The following CACNA2D3 variants were observed in gnomAD, a reference collection of about 807,000 sequenced individuals.
CACNA2D3 encodes voltage-dependent calcium channel subunit alpha-2/delta-3.
In CACNA2D3, 60 loss-of-function variants were observed where a neutral mutation model predicts 160.6. The ratio of observed to expected loss-of-function variants is 0.37; its 90% CI spans 0.30 to 0.46. The LOEUF (loss-of-function observed/expected upper bound fraction) is 0.46. CACNA2D3 is among the 20% of genes least tolerant of loss of function. The pLI is 1.00. For missense variants in CACNA2D3, 1,205 were observed against 1,365.0 expected (o/e 0.88, Z 1.85); for synonymous variants, 558 against 492.9 (o/e 1.13, Z -1.75).
intron 2 of CACNA2D3, among the ~76,000 whole-genome samples, chr3:54,198,227 C>T (rs1200798523): frequency 3.3e-5 from 5 of 152,212 alleles, no homozygotes; most frequent in Non-Finnish European, 5.9e-5. Context: ...CTAATAGGCT[C>T]CTTGTGGCTC....
chr3:54,276,961 G>A (rs1019148160), intron 2 of CACNA2D3, among the ~76,000 whole-genome samples: 3 of 152,198 alleles, frequency 2.0e-5, no homozygotes, highest in African/African-American at 4.8e-5. Context: ...ATGGCCCACC[G>A]CAGGCATGCC....
chr3:54,582,368 A>G (rs1306844207), intron 9 of CACNA2D3, among the ~76,000 whole-genome samples: 1 of 152,192 alleles, frequency 6.6e-6, no homozygotes, highest in Non-Finnish European at 1.5e-5. Context: ...TTCCATTAAT[A>G]TTGTGGAACA....
At chr3:54,567,517 G>A (rs768623184) in intron 6 of CACNA2D3, among the ~76,000 whole-genome samples, 1 of 111,302 alleles carries the variant, frequency 9.0e-6, no homozygotes, top group East Asian at 2.2e-4. Flanking sequence ...TTTTTTGTTT[G>A]TTGTTTGTTG....
intron 2 of CACNA2D3, among the ~76,000 whole-genome samples, chr3:54,296,083 A>T (rs1703336411): frequency 2.0e-5 from 3 of 152,072 alleles, no homozygotes; most frequent in African/African-American, 7.2e-5. Flanking sequence ...TTGGAAGGGG[A>T]TGAACTTTAG....
chr3:54,166,936 G>A (rs1386159365), intron 2 of CACNA2D3, among the ~76,000 whole-genome samples: 4 of 152,032 alleles, frequency 2.6e-5, no homozygotes, highest in Admixed American at 6.5e-5. Flanking sequence ...AATATTTTGC[G>A]GGAAGATTTT....
intron 34 of CACNA2D3, among the ~76,000 whole-genome samples, chr3:55,014,486 T>C (rs1703283767): frequency 6.6e-6 from 1 of 152,154 alleles, no homozygotes; most frequent in South Asian, 2.1e-4. Context: ...TCCCAGCACT[T>C]TGGGAAGCCA....
At chr3:54,618,619 T>C (rs1268314617) in intron 9 of CACNA2D3, among the ~76,000 whole-genome samples, 2 of 152,068 alleles carry the variant, frequency 1.3e-5, no homozygotes, top group African/African-American at 4.8e-5. Flanking sequence ...GTCCCTGGGG[T>C]CACATTTCTT....
chr3:54,861,745 G>T (rs1026679933), intron 17 of CACNA2D3, among the ~76,000 whole-genome samples: 2 of 152,222 alleles, frequency 1.3e-5, no homozygotes, highest in Non-Finnish European at 2.9e-5. Flanking sequence ...AGAAGCAATG[G>T]ACATGGTAGG....
chr3:54,346,324 A>G (rs550033993), intron 3 of CACNA2D3, among the ~76,000 whole-genome samples: 2 of 152,304 alleles, frequency 1.3e-5, no homozygotes, highest in African/African-American at 2.4e-5. Flanking sequence ...TGAAGAGATC[A>G]TTTTGGGCTG....
chr3:55,006,901 A>T (rs1703106404), intron 32 of CACNA2D3, among the ~76,000 whole-genome samples: 1 of 152,256 alleles, frequency 6.6e-6, no homozygotes. Context: ...TTTGGCATGC[A>T]TTTCAATTCT....
chr3:54,299,071 C>G lies in CACNA2D3; in HGVS notation c.205-21371C>G, dbSNP rs180819390. On this transcript the variant is annotated intron_variant, in intron 2 of 37. Transcript: ENST00000474759. Reference sequence around the variant, plus strand: ...TTGCAAGAAGAAATGTGGGCCAGTTCGTAGCCTCTGCAGTCTGTAAGTTTT... The same window carrying G: ...TTGCAAGAAGAAATGTGGGCCAGTTGGTAGCCTCTGCAGTCTGTAAGTTTT... 4.2e-4 allele frequency among the ~76,000 whole-genome samples: 63 copies of G among 151,532 alleles called. 1 individual carries two copies. The East Asian group carries it at 7.0e-3, about 17-fold the overall frequency.
intron 2 of CACNA2D3, among the ~76,000 whole-genome samples, chr3:54,262,339 C>G (rs4589969): frequency 0.6 from 90,870 of 151,852 alleles, 27,978 homozygotes; most frequent in Non-Finnish European, 0.68. Context: ...CATTGAGGCA[C>G]AGAGAGTTCC....
In CACNA2D3 at chr3:54,794,089, G is replaced by A. The variant is rs995457545; in HGVS notation, c.1381-22764G>A. Among the ~76,000 whole-genome samples the A allele has an allele frequency of 3.3e-5, 5 of 152,084 alleles. No individual in the cohort carries two copies. In the East Asian group the frequency reaches 5.8e-4, roughly 18 times the overall value. On this transcript the variant is annotated intron_variant, in intron 13 of 37. Transcript: ENST00000474759. ...TAACTCCTCTTTCCTTGATATATAA[G>A]AGCAAATTTTATATATAATGATCAC...
At chr3:54,370,503 A>G (rs1231429818) in intron 3 of CACNA2D3, among the ~76,000 whole-genome samples, 1 of 152,218 alleles carries the variant, frequency 6.6e-6, no homozygotes, top group Non-Finnish European at 1.5e-5. Context: ...CAGTCTCTCC[A>G]CAGATTTGCC....
chr3:54,499,409 C>T lies in CACNA2D3; in HGVS notation c.382-4083C>T, dbSNP rs182086839. Among the ~76,000 whole-genome samples, 654 of 152,170 alleles carry T rather than the reference C, an allele frequency of 4.3e-3. 4 individuals carry two copies. The highest frequency in any genetic ancestry group is 0.012 in the Admixed American group (185 of 15,288). On this transcript the variant is annotated intron_variant, in intron 4 of 37. Coordinates refer to ENST00000474759, the MANE Select transcript of CACNA2D3 (RefSeq NM_018398.3). ...TTTCTGTTTTTAATTTCATTGATTTCTGCTTTGCAGAATAAAAAATATACA... is the reference window on the plus strand; with the variant it reads ...TTTCTGTTTTTAATTTCATTGATTTTTGCTTTGCAGAATAAAAAATATACA...
intron 8 of CACNA2D3, among the ~76,000 whole-genome samples, chr3:54,581,003 G>A (rs1403204731): frequency 6.6e-6 from 1 of 152,208 alleles, no homozygotes; most frequent in African/African-American, 2.4e-5. Context: ...AAAGATGCTA[G>A]AGTGTCAGCA....
At chr3:54,763,799 GTACATATATATACATATATATATACGT>G (rs1702148831) in intron 12 of CACNA2D3, among the ~76,000 whole-genome samples, 1 of 20,670 alleles carries the variant, frequency 4.8e-5, no homozygotes, top group African/African-American at 1.9e-4. Context: ...GTATATATAT[GTACATATATATACATATATATATACGT>G]ATATATATGT....
At chr3:54,823,977 A>C (rs1239988610) in intron 14 of CACNA2D3, among the ~76,000 whole-genome samples, 2 of 152,258 alleles carry the variant, frequency 1.3e-5, no homozygotes, top group Non-Finnish European at 2.9e-5. Context: ...AATGAAATAG[A>C]CTACCAAGAG....
chr3:54,793,237 G>A (rs765144145), intron 13 of CACNA2D3, among the ~76,000 whole-genome samples: 9 of 152,172 alleles, frequency 5.9e-5, no homozygotes, highest in East Asian at 1.9e-4. Context: ...TTTTCCTGTC[G>A]TCGTAAATAC....
Sources: gnomAD v4.1 joint callset for allele counts (sites outside exome capture counted in the v4.1 genomes callset) on GRCh38, gnomAD v4.1.1 for gene constraint, MANE v1.5 for transcripts, NCBI Gene and HGNC (gene_info 2026-07-23, HGNC 2026-07-21) for gene names.